DEPTOR: variants seen among roughly 807,000 people sequenced by gnomAD.
DEPTOR encodes the protein DEP domain containing MTOR interacting protein.
In DEPTOR, 41 loss-of-function variants were observed where a neutral mutation model predicts 41.6. The ratio of observed to expected loss-of-function variants is 0.98; its 90% CI spans 0.77 to 1.28. The LOEUF (loss-of-function observed/expected upper bound fraction) is 1.28, where lower values mean the gene tolerates loss of function less well. Ranked by LOEUF, DEPTOR falls within the 50% of genes most tolerant of loss-of-function variation. The pLI, the probability that DEPTOR is intolerant of heterozygous loss-of-function variation, is 0.00. For synonymous variants in DEPTOR, 195 were observed against 192.3 expected, an observed-to-expected ratio of 1.01 and a Z score of -0.12; for missense variants, 514 against 527.9, an observed-to-expected ratio of 0.97 and a Z score of 0.26.
chr8:120,047,230 C>T (rs1434120213), intron 8 of DEPTOR, among the ~76,000 whole-genome samples: 1 of 152,032 alleles, frequency 6.6e-6, no homozygotes, highest in Non-Finnish European at 1.5e-5. Context: ...CCATGTTGGC[C>T]AGGCTGGTCT....
intron 1 of DEPTOR, 103 bp downstream of exon 1, chr8:119,874,071 C>T: frequency 6.4e-7 from 1 of 1,557,802 alleles, no homozygotes; most frequent in Non-Finnish European, 8.7e-7. Context: ...TTGCGACTCG[C>T]GTGGGGCGCC....
At chr8:120,024,527 A>G (rs900439735) in intron 8 of DEPTOR, among the ~76,000 whole-genome samples, 3 of 152,188 alleles carry the variant, frequency 2.0e-5, no homozygotes, top group African/African-American at 7.2e-5. Flanking sequence ...CTAATCCAAT[A>G]TGACTGATGT....
chr8:119,994,944 G>GA (rs139339979), intron 4 of DEPTOR, among the ~76,000 whole-genome samples: 168 of 128,330 alleles, frequency 1.3e-3, no homozygotes, highest in African/African-American at 4.4e-3. Flanking sequence ...AAAAGAAAAA[G>GA]AAAAAAAAAA....
Position 120,049,484 on chromosome 8 carries a change from G to C in DEPTOR, c.1102-92G>C, listed in dbSNP as rs533958439. 9.3e-6 allele frequency: 13 copies of C among 1,396,102 alleles called. No homozygotes were observed. In the South Asian group the frequency reaches 2.0e-4, roughly 21 times the overall value. 86.5% of individuals were successfully genotyped at this position (1,396,102 alleles called of 1,614,324 possible). ...TACATTTGGATATTTTAAGAATGAA[G>C]TTACCTGTTAGGGCTACACACTGTC... On this transcript the variant is annotated intron_variant, in intron 8 of 8. Coordinates refer to ENST00000286234, the MANE Select transcript of DEPTOR (RefSeq NM_022783.4).
chr8:119,897,596 G>T (rs7818471), intron 1 of DEPTOR, among the ~76,000 whole-genome samples: 1 of 151,910 alleles, frequency 6.6e-6, no homozygotes, highest in Admixed American at 6.6e-5. Context: ...GATATTTCTC[G>T]ATTTCTGTAA....
chr8:119,958,305 C>A (rs1316837820), intron 3 of DEPTOR, among the ~76,000 whole-genome samples: 1 of 152,136 alleles, frequency 6.6e-6, no homozygotes, highest in African/African-American at 2.4e-5. Context: ...CTCCTGTGGC[C>A]TCTTCCCCTC....
At position 120,040,314 on chromosome 8, in the gene DEPTOR, C is replaced by T. The variant is rs529145825; in HGVS notation, c.1102-9262C>T. 5.3e-5 allele frequency among the ~76,000 whole-genome samples: 8 copies of T among 151,984 alleles called. 1 individual carries two copies. Among genetic ancestry groups the T allele is most frequent in the South Asian group, 4.2e-4 (2 of 4,818 alleles). Reference sequence around the variant, plus strand: ...TAGCAGGGCTGAGCTTGGTGGCTCACGCCTGTAATCCCAGCACTTTGGGAG... The same window carrying T: ...TAGCAGGGCTGAGCTTGGTGGCTCATGCCTGTAATCCCAGCACTTTGGGAG... On this transcript the variant is annotated intron_variant, in intron 8 of 8. Coordinates refer to ENST00000286234, the MANE Select transcript of DEPTOR (RefSeq NM_022783.4).
intron 3 of DEPTOR, among the ~76,000 whole-genome samples, chr8:119,937,415 C>G (rs531558854): frequency 6.6e-6 from 1 of 152,254 alleles, no homozygotes; most frequent in East Asian, 1.9e-4. Flanking sequence ...TACATATTTT[C>G]TAATATATGC....
intron 1 of DEPTOR, among the ~76,000 whole-genome samples, chr8:119,893,580 G>C (rs1827477362): frequency 6.6e-6 from 1 of 152,168 alleles, no homozygotes; most frequent in Non-Finnish European, 1.5e-5. Flanking sequence ...TGTAATCCCA[G>C]CTCTTTGGGA....
At chr8:119,938,635 C>A (rs1423297872) in intron 3 of DEPTOR, among the ~76,000 whole-genome samples, 1 of 152,118 alleles carries the variant, frequency 6.6e-6, no homozygotes, top group Non-Finnish European at 1.5e-5. Context: ...GCCTCAGCCA[C>A]CCCAGAAGCT....
chr8:120,038,592 CAAAAAAAA>C (rs34679088), intron 8 of DEPTOR, among the ~76,000 whole-genome samples: 1 of 108,530 alleles, frequency 9.2e-6, no homozygotes, highest in East Asian at 2.6e-4. Flanking sequence ...GACCCTATCT[CAAAAAAAA>C]AAAAAAAAAG....
chr8:119,889,698 G>T (rs1295364482), intron 1 of DEPTOR, among the ~76,000 whole-genome samples: 1 of 146,112 alleles, frequency 6.8e-6, no homozygotes, highest in Non-Finnish European at 1.5e-5. Flanking sequence ...GGGGAGAGGA[G>T]TGGAGAAGGG....
chr8:119,980,453 T>TTTTTTTCTTTTCTTTTCTTTTCTTTTC (rs1828748101), intron 4 of DEPTOR, among the ~76,000 whole-genome samples: 2 of 110,910 alleles, frequency 1.8e-5, no homozygotes, highest in African/African-American at 7.4e-5. Context: ...TCATTTTTCT[T>TTTTTTTCTTTTCTTTTCTTTTCTTTTC]TTTTCTTTTC....
intron 3 of DEPTOR, among the ~76,000 whole-genome samples, chr8:119,945,426 A>C (rs985800417): frequency 1.3e-5 from 2 of 152,186 alleles, no homozygotes; most frequent in African/African-American, 4.8e-5. Context: ...ATATTAGTTC[A>C]TTTAATCCTT....
chr8:120,043,088 T>TAA lies in DEPTOR; in HGVS notation c.1102-6485_1102-6484dup, dbSNP rs1554588202. Among the ~76,000 whole-genome samples, 32 of 151,742 alleles carry TAA rather than the reference T, an allele frequency of 2.1e-4. No homozygotes were observed. The South Asian group carries it at 3.1e-3, about 15-fold the overall frequency. ...CTGGTCTAGAACTCTTCTTTTTTTTTAAAATTTTTTATTTATATAGGTAAT... is the reference window on the plus strand; with the variant it reads ...CTGGTCTAGAACTCTTCTTTTTTTTTAAAAAATTTTTTATTTATATAGGTAAT... On this transcript the variant is annotated intron_variant, in intron 8 of 8. Coordinates refer to ENST00000286234, the MANE Select transcript of DEPTOR (RefSeq NM_022783.4).
In DEPTOR at chr8:119,909,820, A is replaced by G. The variant is rs76721381; in HGVS notation, c.123-18580A>G. ...GGTTACATGCTTGTTTGCCAAATCA[A>G]GTTTTCGCAAATGAGATGCAGTATG... On this transcript the variant is annotated intron_variant, in intron 1 of 8. Transcript: ENST00000286234. 2.3e-4 allele frequency among the ~76,000 whole-genome samples: 35 copies of G among 152,376 alleles called. No homozygotes were observed. The East Asian group carries it at 6.4e-3, about 28-fold the overall frequency.
In DEPTOR at chr8:119,955,300, G is replaced by C. The variant is rs1417415306; in HGVS notation, c.426-9932G>C. On this transcript the variant is annotated intron_variant, in intron 3 of 8. Transcript: ENST00000286234. ...TTTTAATTTTGAAATAGTCCAATTT[G>C]TCTATTTCTCTGTTATGTTGCTTGT... is the stretch of plus-strand genomic sequence containing the variant. Among the ~76,000 whole-genome samples, 3 of 152,244 alleles carry C rather than the reference G, an allele frequency of 2.0e-5. No individual in the cohort carries two copies. In the East Asian group the frequency reaches 5.8e-4, roughly 29 times the overall value.
intron 8 of DEPTOR, among the ~76,000 whole-genome samples, chr8:120,013,793 T>C (rs1187109679): frequency 6.6e-6 from 1 of 152,116 alleles, no homozygotes; most frequent in East Asian, 1.9e-4. Flanking sequence ...ATCTGGGCCT[T>C]TGTGGCCACT....
intron 1 of DEPTOR, among the ~76,000 whole-genome samples, chr8:119,890,386 T>C (rs1827438024): frequency 6.6e-6 from 1 of 152,054 alleles, no homozygotes; most frequent in African/African-American, 2.4e-5. Context: ...CACTGCAACC[T>C]CCCTCTCCCA....
Sources: allele counts gnomAD v4.1 joint callset (sites outside exome capture counted in the v4.1 genomes callset), GRCh38; gene constraint gnomAD v4.1.1; transcripts MANE v1.5; gene names NCBI Gene and HGNC (gene_info 2026-07-23, HGNC 2026-07-21).